Variants in PDZD2 observed in about 807,000 individuals in gnomAD.
PDZD2 encodes PDZ domain-containing protein 2.
PDZD2 carries 90 observed loss-of-function variants against 220.7 expected under a neutral mutation model. The observed-to-expected ratio is 0.41, with a 90% CI of 0.34 to 0.49. The LOEUF (loss-of-function observed/expected upper bound fraction) is 0.49. PDZD2 is among the 20% of genes least tolerant of loss of function. The pLI, the probability that PDZD2 is intolerant of heterozygous loss-of-function variation, is 0.28. For synonymous variants in PDZD2, 1,375 were observed against 1,450.5 expected, an observed-to-expected ratio of 0.95 and a Z score of 1.18; for missense variants, 3,174 against 3,608.5, an observed-to-expected ratio of 0.88 and a Z score of 3.08.
chr5:31,942,032 C>G (rs1188588049), intron 2 of PDZD2, among the ~76,000 whole-genome samples: 5 of 152,200 alleles, frequency 3.3e-5, no homozygotes, highest in Non-Finnish European at 5.9e-5. Context: ...GCCAGGATCT[C>G]AAACCTTGCA....
rs1561499249 is a variant in PDZD2, at chr5:31,840,433, TATATA to T, written c.476+40710_476+40714del. 1,785 of 93,720 alleles carry T rather than the reference TATATA, an allele frequency of 0.019. 107 individuals carry two copies. The East Asian group carries it at 0.2, about 10-fold the overall frequency. 5.8% of individuals were successfully genotyped at this position (93,720 alleles called of 1,614,324 possible). ...ATATATATATATATATATATATATA[TATATA>T]TATATATATATTTGTTTATAGTCCA... On this transcript the variant is annotated intron_variant, in intron 2 of 24. Transcript: ENST00000438447.
At chr5:31,855,776 T>C (rs1758393930) in intron 2 of PDZD2, among the ~76,000 whole-genome samples, 1 of 152,238 alleles carries the variant, frequency 6.6e-6, no homozygotes, top group African/African-American at 2.4e-5. Context: ...CAAAATGTTT[T>C]GATCATAGGA....
In PDZD2 at chr5:32,089,995, T is replaced by C. The variant is rs745944294; in HGVS notation, c.6547T>C (p.Tyr2183His). Residue 2183 changes from tyrosine (Y) to histidine (H), a missense_variant, in exon 20 of 25, where the codon TAC becomes CAC. Tyr to His is a moderately conservative substitution (Grantham distance 83). This residue lies in a region of PDZD2 where 1,861 missense variants were observed against 2,001.0 expected (regional missense o/e 0.93). Transcript: ENST00000438447. ...SLQTAIRKAE[Y>H]SQGKSSLMSD... ...TCAAACAGCCATTAGAAAGGCAGAA[T>C]ACTCCCAGGGAAAATCAAGCCTGAT... The C allele has an allele frequency of 1.9e-6, 3 of 1,603,792 alleles. No homozygotes were observed. The highest frequency in any genetic ancestry group is 4.5e-5 in the East Asian group (2 of 44,760).
At chr5:32,107,000 T>G (rs1399380063) in intron 24 of PDZD2, among the ~76,000 whole-genome samples, 1 of 152,218 alleles carries the variant, frequency 6.6e-6, no homozygotes, top group Non-Finnish European at 1.5e-5. Context: ...TTTCAATAAT[T>G]TCAATAACGA....
intron 4 of PDZD2, among the ~76,000 whole-genome samples, chr5:31,996,156 C>T (rs1751615945): frequency 1.3e-5 from 2 of 152,176 alleles, no homozygotes; most frequent in South Asian, 4.2e-4. Context: ...ACTGGGGCTC[C>T]ACTTGTCAGG....
chr5:31,720,615 T>G (rs1389017025), intron 1 of PDZD2, among the ~76,000 whole-genome samples: 2 of 152,206 alleles, frequency 1.3e-5, no homozygotes, highest in Non-Finnish European at 2.9e-5. Context: ...TGCTTAGGTT[T>G]AACAAAGTTT....
intron 2 of PDZD2, among the ~76,000 whole-genome samples, chr5:31,942,631 G>A (rs957259816): frequency 8.3e-4 from 127 of 152,288 alleles, no homozygotes; most frequent in African/African-American, 2.8e-3. Flanking sequence ...CACTGCACCC[G>A]GCCAAACAAA....
rs767056607 is a variant in PDZD2, at chr5:31,675,597, G to T, written c.-361+36160G>T. Reference sequence around the variant, plus strand: ...CAGAAAAGCAGTTGTTCCAGAATAGGTGCCCTTTCCACTAAGGCCTTGCAC... The same window carrying T: ...CAGAAAAGCAGTTGTTCCAGAATAGTTGCCCTTTCCACTAAGGCCTTGCAC... On this transcript the variant is annotated intron_variant, in intron 1 of 24. Transcript: ENST00000438447. 7.2e-5 allele frequency among the ~76,000 whole-genome samples: 11 copies of T among 152,314 alleles called. No homozygotes were observed. The South Asian group carries it at 1.9e-3, about 26-fold the overall frequency.
intron 1 of PDZD2, among the ~76,000 whole-genome samples, chr5:31,717,945 G>A (rs1580614647): frequency 6.6e-6 from 1 of 152,286 alleles, no homozygotes; most frequent in East Asian, 1.9e-4. Context: ...AGTTTGGCTC[G>A]GCCCCTCCCA....
At chr5:31,851,858 AT>A (rs780980919) in intron 2 of PDZD2, among the ~76,000 whole-genome samples, 71 of 147,636 alleles carry the variant, frequency 4.8e-4, no homozygotes, top group Middle Eastern at 3.6e-3. Context: ...ATGTGGTCAC[AT>A]TTTTTTTTTT....
chr5:31,697,964 G>A (rs973368526), intron 1 of PDZD2, among the ~76,000 whole-genome samples: 22 of 151,326 alleles, frequency 1.5e-4, no homozygotes, highest in African/African-American at 4.9e-4. Context: ...GTGCAGTGGC[G>A]CGATCTTGGC....
chr5:31,770,066 TAGTC>T (rs1752252291), intron 1 of PDZD2, among the ~76,000 whole-genome samples: 1 of 152,346 alleles, frequency 6.6e-6, no homozygotes, highest in East Asian at 1.9e-4. Context: ...CTGGAAATAT[TAGTC>T]AGGCTGAAGA....
intron 1 of PDZD2, among the ~76,000 whole-genome samples, chr5:31,776,483 TTTA>T (rs1752658901): frequency 6.6e-6 from 1 of 150,742 alleles, no homozygotes; most frequent in Non-Finnish European, 1.5e-5. Context: ...TATTTATTTA[TTTA>T]TTTATTCATT....
In PDZD2 at chr5:31,663,400, G is replaced by A. The variant is rs116283371; in HGVS notation, c.-361+23963G>A. On this transcript the variant is annotated intron_variant, in intron 1 of 24. Transcript: ENST00000438447. Reference sequence around the variant, plus strand: ...CCACTGCCCCAAATGGCAAGATACAGGTACTTGGCATTCAGTGTTTAAAAG... The same window carrying A: ...CCACTGCCCCAAATGGCAAGATACAAGTACTTGGCATTCAGTGTTTAAAAG... Among the ~76,000 whole-genome samples, 239 of 152,266 alleles carry A rather than the reference G, an allele frequency of 1.6e-3. 2 individuals are homozygous for A. Among genetic ancestry groups the A allele is most frequent in the African/African-American group, 5.5e-3 (229 of 41,546 alleles).
intron 1 of PDZD2, among the ~76,000 whole-genome samples, chr5:31,750,457 C>G (rs1750885326): frequency 6.6e-6 from 1 of 152,188 alleles, no homozygotes; most frequent in South Asian, 2.1e-4. Context: ...GCGAACAAAA[C>G]AAACAGGAAC....
At chr5:31,972,241 G>T (rs1749366432) in intron 2 of PDZD2, among the ~76,000 whole-genome samples, 1 of 152,096 alleles carries the variant, frequency 6.6e-6, no homozygotes, top group African/African-American at 2.4e-5. Flanking sequence ...AGCCTCCCAA[G>T]TAGCTAGGAC....
At chr5:31,651,303 T>C (rs1745339031) in intron 1 of PDZD2, among the ~76,000 whole-genome samples, 2 of 152,194 alleles carry the variant, frequency 1.3e-5, no homozygotes, top group Admixed American at 1.3e-4. Flanking sequence ...GGCCATTTGA[T>C]GTATCATGCA....
intron 3 of PDZD2, among the ~76,000 whole-genome samples, chr5:31,991,362 C>G (rs1751193717): frequency 6.6e-6 from 1 of 152,132 alleles, no homozygotes. Flanking sequence ...GTCGGTGGAT[C>G]TGGCATCTAT....
intron 2 of PDZD2, among the ~76,000 whole-genome samples, chr5:31,830,064 A>G (rs1380094309): frequency 6.6e-6 from 1 of 152,086 alleles, no homozygotes; most frequent in Non-Finnish European, 1.5e-5. Context: ...ACAAGAAACA[A>G]AAAACTTTCT....
Sources: allele counts gnomAD v4.1 joint callset (sites outside exome capture counted in the v4.1 genomes callset), GRCh38; gene constraint gnomAD v4.1.1; regional missense constraint gnomAD v4.1.1; transcripts MANE v1.5; gene names NCBI Gene and HGNC (gene_info 2026-07-23, HGNC 2026-07-21).